Variants in HEATR5A observed in about 807,000 individuals in gnomAD.
HEATR5A encodes the protein HEAT repeat-containing protein 5A.
HEATR5A carries 178 observed loss-of-function variants against 218.8 expected under a neutral mutation model. The ratio of observed to expected loss-of-function variants is 0.81; its 90% CI spans 0.72 to 0.92. The LOEUF (loss-of-function observed/expected upper bound fraction) is 0.92. Ranked by LOEUF, HEATR5A falls within the 40% of genes least tolerant of loss-of-function variation. The pLI is 0.00. For synonymous variants in HEATR5A, 864 were observed against 871.6 expected (o/e 0.99, Z 0.15); for missense variants, 2,420 against 2,418.9 (o/e 1.00, Z -0.01).
chr14:31,336,213 CATACATATATAT>C (rs1236909083), intron 22 of HEATR5A, among the ~76,000 whole-genome samples: 6,014 of 90,592 alleles, frequency 0.066, 459 homozygotes, highest in South Asian at 0.11. Context: ...TATATACATA[CATACATATATAT>C]ATATATATAT....
rs1351633173 is a variant in HEATR5A, at chr14:31,349,958, A to T, written c.2539T>A (p.Cys847Ser). Reference sequence around the variant, plus strand: ...CTTTTCATTTCTTCTGGACCTAAACATCCCTTGGAGCCAGCCACGTACTGA... The same window carrying T: ...CTTTTCATTTCTTCTGGACCTAAACTTCCCTTGGAGCCAGCCACGTACTGA... The part of the protein sequence containing the change: ...FLKYVAGSKG[C>S]LGPEEMKRFA... Residue 847 changes from cysteine to serine, a missense_variant, in exon 18 of 36, where the codon TGT (cysteine) becomes AGT (serine). Coordinates refer to ENST00000543095, the MANE Select transcript of HEATR5A (RefSeq NM_015473.4). The T allele has an allele frequency of 6.3e-7, 1 of 1,591,942 alleles. No individual in the cohort carries two copies. Among genetic ancestry groups the T allele is most frequent in the Non-Finnish European group, 8.6e-7 (1 of 1,168,472 alleles).
chr14:31,368,632 A>G (rs2139248402), intron 13 of HEATR5A, among the ~76,000 whole-genome samples: 1 of 152,304 alleles, frequency 6.6e-6, no homozygotes, highest in South Asian at 2.1e-4. Context: ...GTGCTCAAGC[A>G]ATCATTCCCG....
In HEATR5A at chr14:31,379,353, C is replaced by T. The variant is rs532558228; in HGVS notation, c.1708+1114G>A. On this transcript the variant is annotated intron_variant, in intron 11 of 35. Coordinates refer to ENST00000543095, the MANE Select transcript of HEATR5A (RefSeq NM_015473.4). Reference sequence around the variant, plus strand: ...GCAACCTCCACCTCCTGGGTTCAAGCAATTCTCCTGCCTCAGCTTCCCGAG... The same window carrying T: ...GCAACCTCCACCTCCTGGGTTCAAGTAATTCTCCTGCCTCAGCTTCCCGAG... 3.3e-5 allele frequency among the ~76,000 whole-genome samples: 5 copies of T among 152,216 alleles called. No individual in the cohort carries two copies. The East Asian group carries it at 7.7e-4, about 23-fold the overall frequency.
intron 1 of HEATR5A, among the ~76,000 whole-genome samples, chr14:31,405,123 T>C (rs928864089): frequency 1.2e-4 from 18 of 149,494 alleles, no homozygotes; most frequent in African/African-American, 4.4e-4. Context: ...AAAATGTCAC[T>C]TTTACAGAAC....
At chr14:31,315,729 A>G in intron 27 of HEATR5A, 41 bp downstream of exon 27, 1 of 1,479,938 alleles carries the variant, frequency 6.8e-7, no homozygotes, top group Non-Finnish European at 9.1e-7. Context: ...GTGTTTATTA[A>G]CAACTTCCAA....
In HEATR5A at chr14:31,309,117, G is replaced by C; in HGVS notation, c.4507C>G (p.Leu1503Val). The change falls in exon 29 of 36, where the codon CTT (leucine) becomes GTT (valine). Residue 1503 changes from leucine (L) to valine (V), a missense_variant. Leu to Val is a conservative substitution (Grantham distance 32, BLOSUM62 1). Coordinates refer to ENST00000543095, the MANE Select transcript of HEATR5A (RefSeq NM_015473.4). ...AKLHYYNSWA[L>V]ILHATALWLT... Reference sequence around the variant, plus strand: ...CACAATGCTGTAGCATGGAGGATAAGTGCCCAGGAGTTGTAATAATGCAAT... The same window carrying C: ...CACAATGCTGTAGCATGGAGGATAACTGCCCAGGAGTTGTAATAATGCAAT... 1 of 1,613,992 alleles carries C rather than the reference G, an allele frequency of 6.2e-7. No individual in the cohort carries two copies. Among genetic ancestry groups the C allele is most frequent in the Non-Finnish European group, 8.5e-7 (1 of 1,179,874 alleles).
At chr14:31,297,870 G>A (rs1466934094) in intron 33 of HEATR5A, 1 of 152,146 alleles carries the variant, frequency 6.6e-6, no homozygotes, top group African/African-American at 2.4e-5. Context: ...ATTACAGAGA[G>A]TGTACTGTTA....
At position 31,293,399 on chromosome 14, in the gene HEATR5A, T is replaced by C. The variant is rs373814580; in HGVS notation, c.6047A>G (p.Asn2016Ser). ...KARLEAAIKG[N>S]QESVKVKIPT... ...TATCTTGACTTTGACACTTTCCTGA[T>C]TGCCCTTTATAGCAGCCTCAAGGCG... Residue 2016 changes from asparagine to serine, a missense_variant, in exon 36 of 36, where the codon AAT becomes AGT. Coordinates refer to ENST00000543095, the MANE Select transcript of HEATR5A (RefSeq NM_015473.4). The C allele has an allele frequency of 8.7e-6, 14 of 1,613,884 alleles. No homozygotes were observed. The highest frequency in any genetic ancestry group is 1.2e-5 in the Non-Finnish European group (14 of 1,179,756).
At chr14:31,319,808 G>A (rs982846432) in intron 25 of HEATR5A, among the ~76,000 whole-genome samples, 5 of 152,178 alleles carry the variant, frequency 3.3e-5, no homozygotes, top group African/African-American at 9.7e-5. Flanking sequence ...CACGTTGGAG[G>A]TGGAGGCAGA....
At chr14:31,308,506 T>TAAAAAA (rs34745602) in intron 29 of HEATR5A, among the ~76,000 whole-genome samples, 1 of 125,912 alleles carries the variant, frequency 7.9e-6, no homozygotes, top group Non-Finnish European at 1.6e-5. Context: ...AAACTCTGTC[T>TAAAAAA]AAAAAAAAAA....
At chr14:31,384,734 C>T (rs138497484) in intron 9 of HEATR5A, among the ~76,000 whole-genome samples, 30 of 152,036 alleles carry the variant, frequency 2.0e-4, no homozygotes, top group Admixed American at 5.2e-4. Context: ...ACCATGTTGG[C>T]CAGGTTGGTC....
chr14:31,337,446 G>A, intron 22 of HEATR5A, 30 bp downstream of exon 22: 1 of 1,521,542 alleles, frequency 6.6e-7, no homozygotes, highest in South Asian at 1.2e-5. Context: ...AATCATTTGA[G>A]CTGGACATAA....
intron 1 of HEATR5A, among the ~76,000 whole-genome samples, chr14:31,417,994 G>C (rs1250700745): frequency 6.6e-6 from 1 of 152,058 alleles, no homozygotes; most frequent in Non-Finnish European, 1.5e-5. Flanking sequence ...GATCACCTGA[G>C]ATCAGGAGTT....
In HEATR5A at chr14:31,371,809, C is replaced by G; in HGVS notation, c.1961+1G>C. On this transcript the variant is annotated splice_donor_variant, in intron 13 of 35. Coordinates refer to ENST00000543095, the MANE Select transcript of HEATR5A (RefSeq NM_015473.4). LOFTEE classifies it high-confidence loss of function. ...ATCAAATCTAAACAGTCGATGCTTA[C>G]TGAGTTAGCAAATCCACAGCACAAG... The G allele has an allele frequency of 6.8e-7, 1 of 1,470,502 alleles. No individual in the cohort carries two copies. The highest frequency in any genetic ancestry group is 2.5e-5 in the East Asian group (1 of 39,528). 91.1% of individuals were successfully genotyped at this position (1,470,502 alleles called of 1,614,324 possible). A position where few individuals can be genotyped will look rare whatever the true frequency, so the allele number is the denominator to read the frequency against.
chr14:31,320,026 C>T (rs1900038616), intron 25 of HEATR5A, among the ~76,000 whole-genome samples: 1 of 152,010 alleles, frequency 6.6e-6, no homozygotes, highest in Non-Finnish European at 1.5e-5. Context: ...ACAACACAAA[C>T]CCCACAGAAA....
chr14:31,397,500 A>G (rs1428653036), intron 4 of HEATR5A, among the ~76,000 whole-genome samples: 1 of 152,028 alleles, frequency 6.6e-6, no homozygotes, highest in Non-Finnish European at 1.5e-5. Flanking sequence ...TCTACTAAAA[A>G]TACAAAAAAT....
In HEATR5A at chr14:31,347,677, T is replaced by C. The variant is rs182991055; in HGVS notation, c.2868+71A>G. 2.9e-4 allele frequency: 315 copies of C among 1,103,052 alleles called. 1 individual carries two copies. In the African/African-American group the frequency reaches 3.1e-3, roughly 11 times the overall value. The allele number at this position is 1,103,052 out of a possible 1,614,324, so 68.3% of individuals were successfully genotyped here. A position where few individuals can be genotyped will look rare whatever the true frequency, so the allele number is the denominator to read the frequency against. Reference sequence around the variant, plus strand: ...AAACTATATTCATAAATTATTAATGTTCAATATAAACACAATCTGCATCAT... The same window carrying C: ...AAACTATATTCATAAATTATTAATGCTCAATATAAACACAATCTGCATCAT... On this transcript the variant is annotated intron_variant, in intron 19 of 35. Coordinates refer to ENST00000543095, the MANE Select transcript of HEATR5A (RefSeq NM_015473.4).
At chr14:31,358,085 C>A (rs955196959) in intron 16 of HEATR5A, among the ~76,000 whole-genome samples, 1 of 152,128 alleles carries the variant, frequency 6.6e-6, no homozygotes, top group Non-Finnish European at 1.5e-5. Flanking sequence ...CCTCACAATG[C>A]CTGATGATCT....
intron 6 of HEATR5A, among the ~76,000 whole-genome samples, chr14:31,391,442 A>G (rs1198619114): frequency 1.3e-5 from 2 of 152,224 alleles, no homozygotes; most frequent in Non-Finnish European, 2.9e-5. Flanking sequence ...CCTGGCCCCT[A>G]AATGTTATTA....
Sources: gnomAD v4.1 joint callset for allele counts (sites outside exome capture counted in the v4.1 genomes callset) on GRCh38, gnomAD v4.1.1 for gene constraint, MANE v1.5 for transcripts, NCBI Gene and HGNC (gene_info 2026-07-23, HGNC 2026-07-21) for gene names.